Variants in ABCB10 observed in about 807,000 individuals in gnomAD.
ABCB10 encodes the protein ATP binding cassette subfamily B member 10.
Under a neutral mutation model 65.4 loss-of-function variants are expected in ABCB10, and 54 were observed. The ratio of observed to expected loss-of-function variants is 0.83; its 90% confidence interval spans 0.66 to 1.04. ABCB10 has a LOEUF of 1.04. Ranked by LOEUF, ABCB10 falls within the 50% of genes least tolerant of loss-of-function variation. The probability of loss-of-function intolerance (pLI) is 0.00; values close to 1 mark genes in which losing one functional copy is unlikely to be tolerated. For synonymous variants in ABCB10, 418 were observed against 406.5 expected, an observed-to-expected ratio of 1.03 and a Z score of -0.34; for missense variants, 846 against 976.6, an observed-to-expected ratio of 0.87 and a Z score of 1.78.
At chr1:229,547,782 G>A in intron 2 of ABCB10, 81 bp from the exon 3 acceptor site, 1 of 1,408,424 alleles carries the variant, frequency 7.1e-7, no homozygotes, top group Middle Eastern at 1.8e-4. Flanking sequence ...CTGTGCAGCA[G>A]CTTGGCCTGG....
At chr1:229,527,345 T>C in intron 8 of ABCB10, 37 bp from the exon 9 acceptor site, 1 of 1,579,600 alleles carries the variant, frequency 6.3e-7, no homozygotes, top group Non-Finnish European at 8.7e-7. Context: ...AGTCACTGAG[T>C]GTGATGAGGC....
chr1:229,549,400 G>A lies in ABCB10; in HGVS notation c.552C>T (p.Ile184=), dbSNP rs138482043. 1,513 of 1,614,172 alleles carry A rather than the reference G, an allele frequency of 9.4e-4. 18 individuals are homozygous for A. In the African/African-American group the frequency reaches 0.018, roughly 19 times the overall value. ...AVGFLTMSSV[I]SMSAPFFLGK... ...CCAGGAAGAAAGGGGCAGACATGGAGATAACACTGGACATCGTGAGAAATC... is the reference window on the plus strand; with the variant it reads ...CCAGGAAGAAAGGGGCAGACATGGAAATAACACTGGACATCGTGAGAAATC... Residue 184 remains isoleucine (I), a synonymous_variant, in exon 2 of 13, where the codon ATC becomes ATT. Transcript: ENST00000344517.
At chr1:229,531,924 G>T in intron 6 of ABCB10, 193 bp from the exon 7 acceptor site, 3 of 394,574 alleles carry the variant, frequency 7.6e-6, no homozygotes, top group South Asian at 6.6e-5. Context: ...TTTTCCTTTG[G>T]CTTCTCCTCC....
At chr1:229,525,890 T>A in intron 10 of ABCB10, 46 bp downstream of exon 10, 2 of 1,545,734 alleles carry the variant, frequency 1.3e-6, no homozygotes, top group Non-Finnish European at 1.7e-6. Context: ...ATGTGAAAAG[T>A]TCTTTGGATA....
At chr1:229,519,841 T>C (rs1314577514) in intron 11 of ABCB10, among the ~76,000 whole-genome samples, 2 of 150,348 alleles carry the variant, frequency 1.3e-5, no homozygotes, top group African/African-American at 4.9e-5. Flanking sequence ...ATAAAATGAG[T>C]AAGGCTGAGT....
rs1662313317 is a variant in ABCB10, at chr1:229,521,467, C to T, written c.1950+125G>A. On this transcript the variant is annotated intron_variant, in intron 11 of 12. Transcript: ENST00000344517. ...TTTCACCAGAACTGTCACCCTCCCA[C>T]TCCAAGAAAAAAAAAAAAACAAAAA... 3 of 1,154,268 alleles carry T rather than the reference C, an allele frequency of 2.6e-6. 1 individual carries two copies. The highest frequency in any genetic ancestry group is 2.5e-5 in the Admixed American group (1 of 40,476). The allele number at this position is 1,154,268 out of a possible 1,614,324, so 71.5% of individuals were successfully genotyped here. A position where few individuals can be genotyped will look rare whatever the true frequency, so the allele number is the denominator to read the frequency against.
At chr1:229,523,086 T>C (rs1662355440) in intron 10 of ABCB10, among the ~76,000 whole-genome samples, 1 of 152,252 alleles carries the variant, frequency 6.6e-6, no homozygotes, top group South Asian at 2.1e-4. Context: ...TATGTGTGTA[T>C]GTATGACACT....
intron 6 of ABCB10, among the ~76,000 whole-genome samples, chr1:229,533,431 T>C (rs1662633439): frequency 6.6e-6 from 1 of 152,132 alleles, no homozygotes; most frequent in Non-Finnish European, 1.5e-5. Context: ...GCCTGAACCA[T>C]TTAACAACTT....
intron 12 of ABCB10, 52 bp from the exon 13 acceptor site, chr1:229,518,462 T>C: frequency 6.9e-7 from 1 of 1,451,550 alleles, no homozygotes; most frequent in Non-Finnish European, 9.7e-7. Flanking sequence ...GACACCCATG[T>C]GCTTCCTGAT....
At chr1:229,530,574 T>C (rs1662560099) in intron 7 of ABCB10, among the ~76,000 whole-genome samples, 166 bp from the exon 8 acceptor site, 1 of 152,188 alleles carries the variant, frequency 6.6e-6, no homozygotes, top group South Asian at 2.1e-4. Context: ...GCTAAATGCT[T>C]ACCACGTGCC....
chr1:229,549,817 T>C (rs1348586107), intron 1 of ABCB10: 1 of 224,964 alleles, frequency 4.4e-6, no homozygotes, highest in Non-Finnish European at 9.0e-6. Flanking sequence ...ATACATGCTA[T>C]ACTCCTTGGC....
chr1:229,518,741 T>A, intron 12 of ABCB10, 100 bp downstream of exon 12: 1 of 1,082,168 alleles, frequency 9.2e-7, no homozygotes, highest in Non-Finnish European at 1.4e-6. Flanking sequence ...AAAAAGGATT[T>A]TCAGTTGTAT....
At chr1:229,543,144 A>C (rs1235595821) in intron 3 of ABCB10, among the ~76,000 whole-genome samples, 3 of 151,998 alleles carry the variant, frequency 2.0e-5, no homozygotes, top group East Asian at 1.9e-4. Flanking sequence ...AAAAAAAAAA[A>C]AAAAAACAGC....
chr1:229,518,726 G>T, intron 12 of ABCB10, 115 bp downstream of exon 12: 1 of 952,876 alleles, frequency 1.0e-6, no homozygotes. Context: ...TAGAGTAAAG[G>T]GGGGAAAAAG....
intron 8 of ABCB10, 114 bp from the exon 9 acceptor site, chr1:229,527,422 CT>C: frequency 3.3e-6 from 3 of 900,248 alleles, no homozygotes; most frequent in Non-Finnish European, 5.3e-6. Flanking sequence ...TCAAAATGTA[CT>C]GAAAATCTCC....
rs778227621 is a variant in ABCB10, at chr1:229,530,437, T to C, written c.1436-29A>G. 15 of 1,609,762 alleles carry C rather than the reference T, an allele frequency of 9.3e-6. No homozygotes were observed. In the East Asian group the frequency reaches 2.0e-4, roughly 22 times the overall value. On this transcript the variant is annotated intron_variant, in intron 7 of 12. Transcript: ENST00000344517. Reference sequence around the variant, plus strand: ...AAACATAAAATGGAATATTAATTACTTACAGCAAAAAATTAAACTCAAAAG... The same window carrying C: ...AAACATAAAATGGAATATTAATTACCTACAGCAAAAAATTAAACTCAAAAG...
At chr1:229,555,193 G>A (rs1402575806) in intron 1 of ABCB10, among the ~76,000 whole-genome samples, 1 of 152,144 alleles carries the variant, frequency 6.6e-6, no homozygotes, top group African/African-American at 2.4e-5. Context: ...TACTGTAGGG[G>A]CCCACATTTG....
intron 6 of ABCB10, 187 bp from the exon 7 acceptor site, chr1:229,531,918 C>T (rs1281568414): frequency 5.0e-6 from 2 of 397,156 alleles, no homozygotes; most frequent in South Asian, 1.2e-4. Context: ...CTCTAGTTTT[C>T]CTTTGGCTTC....
At chr1:229,530,923 T>C (rs2102689703) in intron 7 of ABCB10, among the ~76,000 whole-genome samples, 1 of 152,322 alleles carries the variant, frequency 6.6e-6, no homozygotes, top group East Asian at 1.9e-4. Context: ...TCTGCCCTGG[T>C]GTTCACCTAC....
Sources: gnomAD v4.1 joint callset for allele counts (sites outside exome capture counted in the v4.1 genomes callset) on GRCh38, gnomAD v4.1.1 for gene constraint, MANE v1.5 for transcripts, NCBI Gene and HGNC (gene_info 2026-07-23, HGNC 2026-07-21) for gene names.